The following PIP5K1B variants were observed in gnomAD, a reference collection of about 807,000 sequenced individuals.
PIP5K1B encodes the protein phosphatidylinositol 4-phosphate 5-kinase type-1 beta.
In PIP5K1B, 42 loss-of-function variants were observed where a neutral mutation model predicts 67.0. That is an observed-to-expected ratio of 0.63 (90% CI 0.49 to 0.81). The LOEUF is 0.81. Ranked by LOEUF, PIP5K1B falls within the 30% of genes least tolerant of loss-of-function variation. The pLI is 0.00. For missense variants in PIP5K1B, 459 were observed against 646.3 expected (o/e 0.71, Z 3.14); for synonymous variants, 214 against 231.4 (o/e 0.92, Z 0.68).
At chr9:68,711,755 T>C (rs1827404591) in intron 1 of PIP5K1B, among the ~76,000 whole-genome samples, 1 of 152,242 alleles carries the variant, frequency 6.6e-6, no homozygotes, top group Admixed American at 6.5e-5. Flanking sequence ...GCATTATTTA[T>C]CTTCTTTAGG....
chr9:68,934,236 G>C (rs1195888452), intron 12 of PIP5K1B, among the ~76,000 whole-genome samples: 2 of 152,218 alleles, frequency 1.3e-5, no homozygotes, highest in Non-Finnish European at 2.9e-5. Flanking sequence ...ATTTTCATTA[G>C]TTCAGGTTCC....
At chr9:68,898,056 G>T (rs974700959) in intron 8 of PIP5K1B, among the ~76,000 whole-genome samples, 13 of 152,122 alleles carry the variant, frequency 8.5e-5, no homozygotes, top group Non-Finnish European at 1.6e-4. Context: ...CAGCCCCTGA[G>T]TCCCTTTGCC....
At chr9:68,816,568 T>C (rs1164295569) in intron 2 of PIP5K1B, among the ~76,000 whole-genome samples, 2 of 152,232 alleles carry the variant, frequency 1.3e-5, no homozygotes, top group African/African-American at 4.8e-5. Context: ...TTAAGCAATA[T>C]GGCATTAGCT....
At chr9:68,885,782 C>T (rs1468892599) in intron 6 of PIP5K1B, among the ~76,000 whole-genome samples, 1 of 152,120 alleles carries the variant, frequency 6.6e-6, no homozygotes, top group Non-Finnish European at 1.5e-5. Flanking sequence ...GGCTCCACCA[C>T]TATACAATTA....
At chr9:68,873,001 G>A (rs1312066317) in intron 5 of PIP5K1B, among the ~76,000 whole-genome samples, 1 of 152,180 alleles carries the variant, frequency 6.6e-6, no homozygotes, top group East Asian at 1.9e-4. Context: ...TTGCTGGATC[G>A]AGGAGTTACA....
intron 6 of PIP5K1B, among the ~76,000 whole-genome samples, chr9:68,887,272 G>A (rs1381269602): frequency 6.6e-6 from 1 of 152,130 alleles, no homozygotes; most frequent in Non-Finnish European, 1.5e-5. Context: ...TGAGTGCCTG[G>A]GACATAGCAG....
intron 2 of PIP5K1B, among the ~76,000 whole-genome samples, chr9:68,807,759 A>G (rs942934649): frequency 1.3e-5 from 2 of 152,242 alleles, no homozygotes; most frequent in African/African-American, 4.8e-5. Context: ...TTCCCAAGGC[A>G]TGTACTCTTA....
chr9:68,917,664 G>T lies in PIP5K1B; in HGVS notation c.888G>T (p.Arg296=), dbSNP rs1826167966. 1 of 1,614,022 alleles carries T rather than the reference G, an allele frequency of 6.2e-7. No homozygotes were observed. The highest frequency in any genetic ancestry group is 1.7e-5 in the Admixed American group (1 of 60,002). Residue 296 remains arginine (R), a synonymous_variant, in exon 9 of 16, where the codon CGG becomes CGT. Transcript: ENST00000265382. ...CACAAAATGTGCCTGATGCTAAGCG[G>T]ACTGGGATGCAGAAGGTTCTCTACT... The part of the protein sequence containing the change: ...ETPQNVPDAK[R]TGMQKVLYST...
At chr9:68,945,842 A>T (rs1244765358) in intron 14 of PIP5K1B, among the ~76,000 whole-genome samples, 1 of 152,252 alleles carries the variant, frequency 6.6e-6, no homozygotes, top group East Asian at 1.9e-4. Context: ...GATGCTTTTA[A>T]TGGAAATTTG....
chr9:68,789,329 C>T (rs1434112595), intron 2 of PIP5K1B: 1 of 395,656 alleles, frequency 2.5e-6, no homozygotes, highest in Admixed American at 3.4e-5. Context: ...CCAAGCGTCT[C>T]TTCTGATGCC....
intron 1 of PIP5K1B, among the ~76,000 whole-genome samples, chr9:68,738,669 C>T (rs775957436): frequency 2.6e-5 from 4 of 152,158 alleles, no homozygotes; most frequent in Non-Finnish European, 4.4e-5. Context: ...TGTTCCTTGG[C>T]GAGTTTGGCC....
At chr9:68,880,979 A>G (rs1156987994) in intron 6 of PIP5K1B, among the ~76,000 whole-genome samples, 1 of 152,206 alleles carries the variant, frequency 6.6e-6, no homozygotes, top group African/African-American at 2.4e-5. Flanking sequence ...TTTGCATGAC[A>G]CAGCATGCTT....
intron 1 of PIP5K1B, chr9:68,739,950 T>C (rs1457035240): frequency 1.3e-5 from 2 of 152,282 alleles, no homozygotes; most frequent in African/African-American, 2.4e-5. Context: ...GGGAACAAGC[T>C]ACCCATTGTG....
intron 2 of PIP5K1B, among the ~76,000 whole-genome samples, chr9:68,791,252 G>C (rs931693558): frequency 1.3e-5 from 2 of 152,212 alleles, no homozygotes; most frequent in Non-Finnish European, 2.9e-5. Context: ...GACAAAGAAA[G>C]GTTTTAATGT....
At chr9:68,743,494 T>G (rs1829120647) in intron 2 of PIP5K1B, among the ~76,000 whole-genome samples, 1 of 152,230 alleles carries the variant, frequency 6.6e-6, no homozygotes. Context: ...CGAGGCAGGC[T>G]TGGCCCAAAA....
At chr9:68,721,268 G>C (rs1273653235) in intron 1 of PIP5K1B, among the ~76,000 whole-genome samples, 1 of 152,182 alleles carries the variant, frequency 6.6e-6, no homozygotes, top group Non-Finnish European at 1.5e-5. Context: ...AATTAGAAGG[G>C]TAAGAGACTG....
At chr9:68,916,621 C>A (rs563155000) in intron 8 of PIP5K1B, among the ~76,000 whole-genome samples, 3 of 152,122 alleles carry the variant, frequency 2.0e-5, no homozygotes, top group African/African-American at 7.2e-5. Context: ...CACCTGTAAT[C>A]CCAGCACTTT....
intron 4 of PIP5K1B, among the ~76,000 whole-genome samples, chr9:68,836,366 A>G (rs1174288189): frequency 1.3e-5 from 2 of 152,208 alleles, no homozygotes; most frequent in African/African-American, 4.8e-5. Flanking sequence ...TGTAAATACA[A>G]AAGAGATTTA....
At chr9:68,848,171 A>G (rs537460485) in intron 4 of PIP5K1B, among the ~76,000 whole-genome samples, 14 of 152,350 alleles carry the variant, frequency 9.2e-5, no homozygotes, top group Middle Eastern at 6.8e-3. Flanking sequence ...AAGGCCAGCT[A>G]GCTAATAGAA....
Sources: gnomAD v4.1 joint callset for allele counts (sites outside exome capture counted in the v4.1 genomes callset) on GRCh38, gnomAD v4.1.1 for gene constraint, MANE v1.5 for transcripts, NCBI Gene and HGNC (gene_info 2026-07-23, HGNC 2026-07-21) for gene names.